The following EPHX2 variants were observed in gnomAD, a reference collection of about 807,000 sequenced individuals.
EPHX2 encodes epoxide hydrolase 2.
Under a neutral mutation model 78.7 loss-of-function variants are expected in EPHX2, and 74 were observed. That is an observed-to-expected ratio of 0.94 (90% CI 0.78 to 1.14). The LOEUF is 1.14. EPHX2 is among the 50% of genes most tolerant of loss of function. EPHX2 has a pLI of 0.00. For missense variants in EPHX2, 715 were observed against 702.5 expected (o/e 1.02, Z -0.20); for synonymous variants, 251 against 255.2 (o/e 0.98, Z 0.16).
At chr8:27,547,872 CGA>C (rs756085505), downstream of EPHX2, among the ~76,000 whole-genome samples, 9 of 152,250 alleles carry the variant, frequency 5.9e-5, no homozygotes, top group Admixed American at 1.3e-4. Context: ...CGCGTTGCTG[CGA>C]GAGACAAGAT....
Position 27,534,286 on chromosome 8 carries a change from T to C in EPHX2, c.1171-2498T>C, listed in dbSNP as rs140107785. Among the ~76,000 whole-genome samples, 24 of 152,324 alleles carry C rather than the reference T, an allele frequency of 1.6e-4. No individual in the cohort carries two copies. The East Asian group carries it at 3.9e-3, about 24-fold the overall frequency. On this transcript the variant is annotated intron_variant, in intron 12 of 18. Transcript: ENST00000521400. The stretch of plus-strand genomic sequence containing the variant: ...AGATCCAGCACCGCCAGATGATCAA[T>C]GTCTCCATTCTTCTGTGCTGCCACT...
chr8:27,546,083 C>G (rs762568298), downstream of EPHX2, among the ~76,000 whole-genome samples: 2 of 150,266 alleles, frequency 1.3e-5, no homozygotes, highest in South Asian at 4.2e-4. Flanking sequence ...ATGTTCTCGT[C>G]GCGCCACTGC....
At chr8:27,495,999 G>A (rs755635284) in intron 1 of EPHX2, among the ~76,000 whole-genome samples, 21 of 152,122 alleles carry the variant, frequency 1.4e-4, no homozygotes, top group African/African-American at 1.9e-4. Flanking sequence ...TGGCCATCTC[G>A]CTGTATCTGG....
At chr8:27,544,324 T>C in intron 18 of EPHX2, 80 bp downstream of exon 18, 1 of 1,601,814 alleles carries the variant, frequency 6.2e-7, no homozygotes, top group South Asian at 1.1e-5. Flanking sequence ...CTGGTTTCAT[T>C]GTGCTGGCTT....
At chr8:27,511,940 A>G (rs1449485318) in intron 6 of EPHX2, 30 bp downstream of exon 6, 1 of 1,609,376 alleles carries the variant, frequency 6.2e-7, no homozygotes, top group Admixed American at 1.7e-5. Flanking sequence ...CAGTCGGCTA[A>G]GTGCTCTCCC....
chr8:27,503,439 T>C (rs1194791167), intron 2 of EPHX2, among the ~76,000 whole-genome samples, 165 bp from the exon 3 acceptor site: 1 of 151,938 alleles, frequency 6.6e-6, no homozygotes, highest in Non-Finnish European at 1.5e-5. Flanking sequence ...GCTATGAACA[T>C]TTTTGGCCAT....
chr8:27,505,831 C>G (rs1353165979), intron 4 of EPHX2, among the ~76,000 whole-genome samples: 1 of 152,154 alleles, frequency 6.6e-6, no homozygotes, highest in Non-Finnish European at 1.5e-5. Flanking sequence ...TCTAAGCCTG[C>G]ACAGGAATAT....
chr8:27,536,789 G>A lies in EPHX2; in HGVS notation c.1176G>A (p.Val392=). ...TGCTTTCTTGATTGTTTTAGGGAGT[G>A]GCTGAGGCTGAACTGGAACAGAACC... is the stretch of plus-strand genomic sequence containing the variant. ...DYQLYFQEPG[V]AEAELEQNLS... Residue 392 remains valine (V), a synonymous_variant, in exon 13 of 19, where the codon GTG becomes GTA. Transcript: ENST00000521400. 3 of 1,613,864 alleles carry A rather than the reference G, an allele frequency of 1.9e-6. No homozygotes were observed. Among genetic ancestry groups the A allele is most frequent in the Middle Eastern group, 3.3e-4 (2 of 6,060 alleles).
intron 14 of EPHX2, 114 bp downstream of exon 14, chr8:27,538,806 G>A (rs759737080): frequency 2.4e-6 from 3 of 1,267,244 alleles, no homozygotes; most frequent in South Asian, 2.4e-5. Flanking sequence ...TGAACTTTAA[G>A]TTGCCCAACC....
chr8:27,506,051 C>T (rs115131325), intron 4 of EPHX2, among the ~76,000 whole-genome samples: 2,969 of 152,152 alleles, frequency 0.02, 94 homozygotes, highest in African/African-American at 0.069. Flanking sequence ...TGCAGTGAAG[C>T]GATCATAGCT....
intron 12 of EPHX2, among the ~76,000 whole-genome samples, chr8:27,528,380 T>C (rs1311950862): frequency 6.6e-6 from 1 of 152,156 alleles, no homozygotes; most frequent in Non-Finnish European, 1.5e-5. Flanking sequence ...AACCACTCAA[T>C]AGGTACAGAG....
At chr8:27,491,929 CTT>C (rs757360398) in intron 1 of EPHX2, among the ~76,000 whole-genome samples, 160 of 151,228 alleles carry the variant, frequency 1.1e-3, no homozygotes, top group Middle Eastern at 0.01. Flanking sequence ...TAATGATTTT[CTT>C]TCTCTCTCTC....
chr8:27,523,672 T>G lies in EPHX2; in HGVS notation c.1058+1164T>G, dbSNP rs564564427. On this transcript the variant is annotated intron_variant, in intron 11 of 18. Transcript: ENST00000521400. Reference sequence around the variant, plus strand: ...TGTTCCTAAAATATTGTTAAAGTTTTCATGGTATTGTTGTGTTCATCTCTC... The same window carrying G: ...TGTTCCTAAAATATTGTTAAAGTTTGCATGGTATTGTTGTGTTCATCTCTC... 1.4e-4 allele frequency among the ~76,000 whole-genome samples: 21 copies of G among 152,350 alleles called. 1 individual carries two copies. Among genetic ancestry groups the G allele is most frequent in the African/African-American group, 5.1e-4 (21 of 41,578 alleles).
intron 12 of EPHX2, among the ~76,000 whole-genome samples, chr8:27,532,982 G>T (rs893471196): frequency 5.3e-5 from 8 of 151,936 alleles, no homozygotes; most frequent in African/African-American, 1.9e-4. Context: ...AGGCATGGTG[G>T]TGCACACATG....
At chr8:27,525,195 C>A (rs530811562) in intron 11 of EPHX2, among the ~76,000 whole-genome samples, 167 bp from the exon 12 acceptor site, 2 of 151,616 alleles carry the variant, frequency 1.3e-5, no homozygotes, top group African/African-American at 4.9e-5. Context: ...GACTAGGAAT[C>A]GAAAATCCTG....
At chr8:27,512,667 A>C (rs1381734640) in intron 6 of EPHX2, among the ~76,000 whole-genome samples, 1 of 152,168 alleles carries the variant, frequency 6.6e-6, no homozygotes, top group Non-Finnish European at 1.5e-5. Context: ...CCTCATTTAA[A>C]TATGAAAGGA....
chr8:27,495,935 C>T (rs1027654839), intron 1 of EPHX2, among the ~76,000 whole-genome samples: 1 of 152,212 alleles, frequency 6.6e-6, no homozygotes, highest in Non-Finnish European at 1.5e-5. Context: ...GGTTCCCATT[C>T]TACTAGATTA....
At chr8:27,503,052 G>A (rs983846135) in intron 2 of EPHX2, among the ~76,000 whole-genome samples, 2 of 152,116 alleles carry the variant, frequency 1.3e-5, no homozygotes, top group African/African-American at 4.8e-5. Context: ...AAGTAATTGG[G>A]TCATGAGGGT....
intron 14 of EPHX2, chr8:27,539,377 C>T (rs1264590486): frequency 6.6e-6 from 1 of 152,134 alleles, no homozygotes; most frequent in Non-Finnish European, 1.5e-5. Flanking sequence ...ATTTGTGATC[C>T]TCGAAGCATT....
Sources: gnomAD v4.1 joint callset for allele counts (sites outside exome capture counted in the v4.1 genomes callset) on GRCh38, gnomAD v4.1.1 for gene constraint, MANE v1.5 for transcripts, NCBI Gene and HGNC (gene_info 2026-07-23, HGNC 2026-07-21) for gene names.